Variants in ITGBL1 observed in about 807,000 individuals in gnomAD.
The protein encoded by ITGBL1 is integrin beta-like protein 1.
Under a neutral mutation model 68.5 loss-of-function variants are expected in ITGBL1, and 51 were observed. The observed-to-expected ratio is 0.74, with a 90% CI of 0.59 to 0.94. The LOEUF (loss-of-function observed/expected upper bound fraction) is 0.94, where lower values mean the gene tolerates loss of function less well. ITGBL1 is among the 40% of genes least tolerant of loss of function. The pLI, the probability that ITGBL1 is intolerant of heterozygous loss-of-function variation, is 0.00. For synonymous variants in ITGBL1, 209 were observed against 227.3 expected (o/e 0.92, Z 0.72); for missense variants, 649 against 647.4 (o/e 1.00, Z -0.03).
chr13:101,631,434 G>C (rs894662934), intron 7 of ITGBL1, among the ~76,000 whole-genome samples: 1 of 151,676 alleles, frequency 6.6e-6, no homozygotes, highest in South Asian at 2.1e-4. Flanking sequence ...ATATCTCATA[G>C]TTCTTTAAAT....
At chr13:101,601,034 T>A (rs555287281) in intron 7 of ITGBL1, among the ~76,000 whole-genome samples, 179 of 152,334 alleles carry the variant, frequency 1.2e-3, no homozygotes, top group Non-Finnish European at 1.8e-3. Context: ...TCCTTGTACC[T>A]CTGGTAGAAT....
chr13:101,594,949 CT>C (rs1023022498), intron 6 of ITGBL1, among the ~76,000 whole-genome samples: 1 of 152,166 alleles, frequency 6.6e-6, no homozygotes, highest in African/African-American at 2.4e-5. Context: ...TGACGCACAC[CT>C]GTAGTCCCAA....
At position 101,454,087 on chromosome 13, in the gene ITGBL1, G is replaced by A; in HGVS notation, c.303G>A (p.Gly101=). The change falls in exon 2 of 11, where the codon GGG becomes GGA. Residue 101 remains glycine, a synonymous_variant. Transcript: ENST00000376180. ...CHEWVCETYD[G]STCAGHGKCD... Reference sequence around the variant, plus strand: ...AGTGGGTGTGCGAGACCTACGACGGGAGCACCTGTGCAGGTAAGAGGGCGG... The same window carrying A: ...AGTGGGTGTGCGAGACCTACGACGGAAGCACCTGTGCAGGTAAGAGGGCGG... 1 of 1,573,124 alleles carries A rather than the reference G, an allele frequency of 6.4e-7. No homozygotes were observed. Among genetic ancestry groups the A allele is most frequent in the Middle Eastern group, 1.7e-4 (1 of 5,978 alleles).
intron 2 of ITGBL1, among the ~76,000 whole-genome samples, chr13:101,532,514 C>T (rs1326327866): frequency 1.3e-5 from 2 of 152,168 alleles, no homozygotes; most frequent in Non-Finnish European, 2.9e-5. Flanking sequence ...GGATTATAAA[C>T]GTTATTCCTA....
chr13:101,560,081 ATGG>A (rs2050074735), intron 2 of ITGBL1, among the ~76,000 whole-genome samples: 1 of 152,202 alleles, frequency 6.6e-6, no homozygotes, highest in African/African-American at 2.4e-5. Context: ...TGTCTTAAAA[ATGG>A]TGAAGTTTCT....
intron 2 of ITGBL1, among the ~76,000 whole-genome samples, chr13:101,528,785 G>C (rs2049424137): frequency 6.6e-6 from 1 of 151,808 alleles, no homozygotes; most frequent in Admixed American, 6.6e-5. Context: ...CAAAATTATG[G>C]ATCAAGTAAT....
chr13:101,582,711 C>T (rs1034639668), intron 5 of ITGBL1, among the ~76,000 whole-genome samples: 1 of 152,116 alleles, frequency 6.6e-6, no homozygotes, highest in Admixed American at 6.6e-5. Flanking sequence ...TTAGTTCTAC[C>T]TCCAATGTCT....
At chr13:101,539,537 G>C (rs989872122) in intron 2 of ITGBL1, among the ~76,000 whole-genome samples, 13 of 151,974 alleles carry the variant, frequency 8.6e-5, no homozygotes, top group African/African-American at 3.1e-4. Context: ...TTTATAGCAG[G>C]ATGATTTATA....
rs143055398 is a variant in ITGBL1, at chr13:101,655,291, A to G, written c.1016-37294A>G. Among the ~76,000 whole-genome samples, 373 of 152,308 alleles carry G rather than the reference A, an allele frequency of 2.4e-3. 2 individuals are homozygous for G. Among genetic ancestry groups the G allele is most frequent in the African/African-American group, 8.3e-3 (344 of 41,566 alleles). ...ATGTTTTGTTTTATCTTATCTCTCTATTTTCTTATGTGGGAGGAGTGGACA... is the reference window on the plus strand; with the variant it reads ...ATGTTTTGTTTTATCTTATCTCTCTGTTTTCTTATGTGGGAGGAGTGGACA... On this transcript the variant is annotated intron_variant, in intron 7 of 10. Transcript: ENST00000376180.
At chr13:101,475,233 CA>C (rs2048518276) in intron 2 of ITGBL1, among the ~76,000 whole-genome samples, 1 of 151,870 alleles carries the variant, frequency 6.6e-6, no homozygotes, top group African/African-American at 2.4e-5. Flanking sequence ...ATAAATTTAG[CA>C]AAGAGATTGA....
At chr13:101,676,631 C>T (rs895374151) in intron 7 of ITGBL1, among the ~76,000 whole-genome samples, 1 of 152,136 alleles carries the variant, frequency 6.6e-6, no homozygotes, top group African/African-American at 2.4e-5. Context: ...CAATGGTCCT[C>T]TTTTCTCTAG....
intron 7 of ITGBL1, among the ~76,000 whole-genome samples, chr13:101,640,352 G>A (rs1350118118): frequency 6.6e-6 from 1 of 152,138 alleles, no homozygotes; most frequent in Non-Finnish European, 1.5e-5. Context: ...AAGGCAGTCT[G>A]TTTGACAGAA....
chr13:101,704,237 G>T (rs2034201981), intron 8 of ITGBL1, among the ~76,000 whole-genome samples: 1 of 152,048 alleles, frequency 6.6e-6, no homozygotes, highest in African/African-American at 2.4e-5. Flanking sequence ...TTCCACCAGG[G>T]TCTATGGGTC....
At chr13:101,662,568 A>T (rs2033114465) in intron 7 of ITGBL1, among the ~76,000 whole-genome samples, 1 of 152,118 alleles carries the variant, frequency 6.6e-6, no homozygotes, top group Non-Finnish European at 1.5e-5. Context: ...TTACTTTTCC[A>T]ACAGCCTCCC....
At chr13:101,658,866 A>C (rs1449425648) in intron 7 of ITGBL1, among the ~76,000 whole-genome samples, 1 of 151,800 alleles carries the variant, frequency 6.6e-6, no homozygotes, top group East Asian at 1.9e-4. Context: ...GTCAGCTTTT[A>C]AACAATAATA....
At chr13:101,715,288 AC>A in intron 10 of ITGBL1, 1 of 341,446 alleles carries the variant, frequency 2.9e-6, no homozygotes, top group African/African-American at 2.1e-5. Context: ...TTAAGGGAAA[AC>A]AAAATTGTCA....
intron 4 of ITGBL1, among the ~76,000 whole-genome samples, 188 bp from the exon 5 acceptor site, chr13:101,579,099 G>A (rs1016031087): frequency 3.3e-5 from 5 of 152,184 alleles, no homozygotes; most frequent in Admixed American, 3.3e-4. Flanking sequence ...CTTTTTGTAT[G>A]ATTAAGCAGG....
At chr13:101,666,883 C>T (rs1057065987) in intron 7 of ITGBL1, among the ~76,000 whole-genome samples, 2 of 152,134 alleles carry the variant, frequency 1.3e-5, no homozygotes, top group Non-Finnish European at 2.9e-5. Flanking sequence ...AAGAAAAATT[C>T]TATACAATGA....
In ITGBL1 at chr13:101,558,438, A is replaced by T. The variant is rs950718420; in HGVS notation, c.317-9261A>T. Among the ~76,000 whole-genome samples the T allele has an allele frequency of 3.9e-5, 6 of 152,196 alleles. No individual in the cohort carries two copies. The East Asian group carries it at 1.2e-3, about 29-fold the overall frequency. Reference sequence around the variant, plus strand: ...TAGGCAATATACCCATGTAACAAACATGCACTGCTACCCCCTGAATCTAAA... The same window carrying T: ...TAGGCAATATACCCATGTAACAAACTTGCACTGCTACCCCCTGAATCTAAA... On this transcript the variant is annotated intron_variant, in intron 2 of 10. Transcript: ENST00000376180.
Sources: gnomAD v4.1 joint callset for allele counts (sites outside exome capture counted in the v4.1 genomes callset) on GRCh38, gnomAD v4.1.1 for gene constraint, MANE v1.5 for transcripts, NCBI Gene and HGNC (gene_info 2026-07-23, HGNC 2026-07-21) for gene names.